Variants in TMSB15B observed in about 807,000 individuals in gnomAD.
TMSB15B encodes the protein thymosin beta 15B.
chrX:103,945,305 T>C (rs1556327048), intron 1 of TMSB15B, among the ~76,000 whole-genome samples: 2 of 112,329 alleles, frequency 1.8e-5, no homozygotes, highest in East Asian at 5.6e-4. Flanking sequence ...TTCTGCAGGC[T>C]GGGAAGTTTA....
At chrX:103,950,615 T>C (rs782597045) in intron 1 of TMSB15B, among the ~76,000 whole-genome samples, 1 of 107,498 alleles carries the variant, frequency 9.3e-6, no homozygotes, top group Non-Finnish European at 1.9e-5. Context: ...AAGAGAAAAA[T>C]ATATATATAT....
At chrX:103,952,795 T>C (rs1782335391) in intron 1 of TMSB15B, among the ~76,000 whole-genome samples, 1 of 111,390 alleles carries the variant, frequency 9.0e-6, no homozygotes. Flanking sequence ...ATCTGGAGCT[T>C]CTTGTCAACC....
chrX:103,931,076 T>C (rs2074983705), intron 1 of TMSB15B: 1 of 111,276 alleles, frequency 9.0e-6, no homozygotes, highest in Non-Finnish European at 1.9e-5. Flanking sequence ...GACACAGTTG[T>C]TGGAGGTATG....
In TMSB15B at chrX:103,928,256, C is replaced by T. The variant is rs181881346; in HGVS notation, c.-721+8964C>T. 5.3e-4 allele frequency: 643 copies of T among 1,204,411 alleles called. 2 individuals are homozygous for T. In the African/African-American group the frequency reaches 0.01, roughly 19 times the overall value. ...CTTTCCTATCTATAAGGTTGTGTTTCGGCAACAGATCCATGCCATGGCAGT... is the reference window on the plus strand; with the variant it reads ...CTTTCCTATCTATAAGGTTGTGTTTTGGCAACAGATCCATGCCATGGCAGT... On this transcript the variant is annotated intron_variant, in intron 1 of 3. Coordinates refer to the TMSB15B transcript ENST00000419165.
At chrX:103,927,117 G>A (rs1434420953) in intron 1 of TMSB15B, among the ~76,000 whole-genome samples, 3 of 111,152 alleles carry the variant, frequency 2.7e-5, no homozygotes, top group Non-Finnish European at 1.9e-5. Context: ...CCTTTCTGGG[G>A]TAAGGAGCAA....
chrX:103,921,741 G>T (rs782340796), intron 1 of TMSB15B, among the ~76,000 whole-genome samples: 51 of 112,260 alleles, frequency 4.5e-4, no homozygotes, highest in African/African-American at 1.6e-3. Context: ...GCTGCCTTTG[G>T]CTGCCTTCCT....
intron 1 of TMSB15B, among the ~76,000 whole-genome samples, chrX:103,952,388 C>A (rs1356074743): frequency 9.0e-6 from 1 of 111,416 alleles, no homozygotes; most frequent in Admixed American, 9.5e-5. Context: ...GGATTGCTAT[C>A]TAAAGGCAGC....
intron 1 of TMSB15B, among the ~76,000 whole-genome samples, chrX:103,925,894 A>G (rs782467419): frequency 1.3e-4 from 14 of 111,985 alleles, no homozygotes; most frequent in African/African-American, 4.5e-4. Context: ...CACTACCTGT[A>G]CTTATTTAGG....
chrX:103,922,978 T>A (rs1239986020), intron 1 of TMSB15B, among the ~76,000 whole-genome samples: 1 of 112,765 alleles, frequency 8.9e-6, no homozygotes, highest in African/African-American at 3.2e-5. Flanking sequence ...CATTTTTTCA[T>A]GTGTCTGTTG....
At position 103,930,725 on chromosome X, in the gene TMSB15B, GATAATAATA is replaced by G. The variant is rs10681462; in HGVS notation, c.-721+11468_-721+11476del. On this transcript the variant is annotated intron_variant, in intron 1 of 3. Coordinates refer to the TMSB15B transcript ENST00000419165. ...TTGTGCTAATGATAATGATGCTGTTGATAATAATAATAATAATAATAATAATAATAATAA... is the reference window on the plus strand; with the variant it reads ...TTGTGCTAATGATAATGATGCTGTTGATAATAATAATAATAATAATAATAA... Among the ~76,000 whole-genome samples the G allele has an allele frequency of 4.3e-3, 396 of 93,052 alleles. 2 individuals are homozygous for G. Among genetic ancestry groups the G allele is most frequent in the Middle Eastern group, 0.033 (6 of 182 alleles). The allele number at this position is 93,052 out of a possible 115,157, so 80.8% of individuals were successfully genotyped here.
chrX:103,943,293 C>T (rs146073608), intron 1 of TMSB15B, among the ~76,000 whole-genome samples: 135 of 112,001 alleles, frequency 1.2e-3, no homozygotes, highest in African/African-American at 4.2e-3. Context: ...ATATAGGGAA[C>T]GTGACTCTCT....
At chrX:103,929,116 A>G in intron 1 of TMSB15B, 3 of 595,641 alleles carry the variant, frequency 5.0e-6, no homozygotes, top group Non-Finnish European at 7.6e-6. Context: ...TAATACAGCC[A>G]TCTTTTAGCA....
intron 1 of TMSB15B, among the ~76,000 whole-genome samples, chrX:103,950,401 G>A (rs182978692): frequency 2.7e-5 from 3 of 110,671 alleles, no homozygotes; most frequent in East Asian, 2.9e-4. Context: ...GTGGGAGATA[G>A]GAAAGGATGA....
At chrX:103,934,724 T>C (rs1204161912) in intron 1 of TMSB15B, among the ~76,000 whole-genome samples, 2 of 112,207 alleles carry the variant, frequency 1.8e-5, no homozygotes, top group African/African-American at 6.5e-5. Flanking sequence ...CCACATTTTC[T>C]TTATCCAGTC....
At chrX:103,938,440 G>GT (rs1229945669) in intron 1 of TMSB15B, among the ~76,000 whole-genome samples, 1 of 111,343 alleles carries the variant, frequency 9.0e-6, no homozygotes, top group Admixed American at 9.5e-5. Flanking sequence ...TTTGATCTTT[G>GT]TTGGTTTAAA....
chrX:103,939,075 C>T (rs782366373), intron 1 of TMSB15B, among the ~76,000 whole-genome samples: 15 of 111,834 alleles, frequency 1.3e-4, no homozygotes, highest in Non-Finnish European at 2.6e-4. Flanking sequence ...TTCTCTCTGG[C>T]TTCCCTTAAC....
intron 1 of TMSB15B, among the ~76,000 whole-genome samples, chrX:103,930,723 T>TCGA (rs1556319789): frequency 2.7e-5 from 2 of 74,576 alleles, no homozygotes; most frequent in African/African-American, 1.1e-4. Flanking sequence ...AATGATGCTG[T>TCGA]TGATAATAAT....
intron 1 of TMSB15B, among the ~76,000 whole-genome samples, chrX:103,923,898 C>T (rs1426294965): frequency 9.0e-6 from 1 of 111,288 alleles, no homozygotes; most frequent in Non-Finnish European, 1.9e-5. Context: ...CTTTGTAATT[C>T]TCCTTGAAGA....
At chrX:103,933,966 A>G (rs1213995485) in intron 1 of TMSB15B, among the ~76,000 whole-genome samples, 1 of 111,282 alleles carries the variant, frequency 9.0e-6, no homozygotes, top group Non-Finnish European at 1.9e-5. Context: ...GATATCCGTC[A>G]GCTCAAATTT....
Sources: gnomAD v4.1 joint callset for allele counts (sites outside exome capture counted in the v4.1 genomes callset) on GRCh38, gnomAD v4.1.1 for gene constraint, MANE v1.5 for transcripts, NCBI Gene and HGNC (gene_info 2026-07-23, HGNC 2026-07-21) for gene names.